SOD1: variants seen among roughly 807,000 people sequenced by gnomAD.
SOD1 encodes the protein superoxide dismutase 1, also known as superoxide dismutase [Cu-Zn].
In SOD1, 8 loss-of-function variants were observed where a neutral mutation model predicts 15.9. The observed-to-expected ratio is 0.50, with a 90% CI of 0.30 to 0.91. The LOEUF (loss-of-function observed/expected upper bound fraction) is 0.91, where lower values mean the gene tolerates loss of function less well. SOD1 is among the 40% of genes least tolerant of loss of function. The pLI is 0.07. For synonymous variants in SOD1, 86 were observed against 71.2 expected, an observed-to-expected ratio of 1.21 and a Z score of -1.04; for missense variants, 137 against 194.5, an observed-to-expected ratio of 0.70 and a Z score of 1.76.
rs1251704207 is a variant in SOD1, at chr21:31,668,737, A to G, written c.*159A>G. ...AGTACCTGTAGTGAGAAACTGATTT[A>G]TGATCACTTGGAAGATTTGTATAGT... On this transcript the variant is annotated 3_prime_UTR_variant, in exon 5 of 5. Coordinates refer to ENST00000270142, the MANE Select transcript of SOD1 (RefSeq NM_000454.5). 1.5e-6 allele frequency: 1 copy of G among 650,708 alleles called. No individual in the cohort carries two copies. The highest frequency in any genetic ancestry group is 1.8e-5 in the African/African-American group (1 of 54,930). The allele number at this position is 650,708 out of a possible 1,614,324, so 40.3% of individuals were successfully genotyped here.
intron 2 of SOD1, among the ~76,000 whole-genome samples, chr21:31,664,641 C>T (rs17886025): frequency 2.3e-3 from 348 of 151,862 alleles, no homozygotes; most frequent in Non-Finnish European, 3.7e-3. Flanking sequence ...TTTTTTGAGA[C>T]GGAGTCTTAC....
intron 1 of SOD1, among the ~76,000 whole-genome samples, chr21:31,662,737 G>A (rs1457032274): frequency 1.3e-5 from 2 of 152,174 alleles, no homozygotes; most frequent in Non-Finnish European, 2.9e-5. Context: ...TGTGATAGCC[G>A]GGCGTGGTGG....
chr21:31,666,765 C>G (rs1415170478), intron 3 of SOD1: 1 of 539,832 alleles, frequency 1.9e-6, no homozygotes, highest in South Asian at 2.0e-5. Flanking sequence ...AGAACTAATA[C>G]AAGTGCCAAA....
chr21:31,663,917 C>G (rs1165723450), intron 2 of SOD1, 31 bp downstream of exon 2: 1 of 1,477,234 alleles, frequency 6.8e-7, no homozygotes, highest in Non-Finnish European at 9.5e-7. Context: ...GTGACCCATA[C>G]TTGTTCACCC....
Position 31,668,714 on chromosome 21 carries a change from T to A in SOD1, c.*136T>A. ...TGACTTTTTCAGAGTTGCTTTAAAG[T>A]ACCTGTAGTGAGAAACTGATTTATG... On this transcript the variant is annotated 3_prime_UTR_variant, in exon 5 of 5. Coordinates refer to ENST00000270142, the MANE Select transcript of SOD1 (RefSeq NM_000454.5). 1.4e-6 allele frequency: 1 copy of A among 711,400 alleles called. No homozygotes were observed. Among genetic ancestry groups the A allele is most frequent in the Non-Finnish European group, 2.5e-6 (1 of 397,060 alleles). 44.1% of individuals were successfully genotyped at this position (711,400 alleles called of 1,614,324 possible). A position where few individuals can be genotyped will look rare whatever the true frequency, so the allele number is the denominator to read the frequency against.
chr21:31,662,504 G>A (rs1159830608), intron 1 of SOD1, among the ~76,000 whole-genome samples: 1 of 152,122 alleles, frequency 6.6e-6, no homozygotes, highest in African/African-American at 2.4e-5. Flanking sequence ...AGATCTAGTT[G>A]TAACTTCCTT....
intron 1 of SOD1, among the ~76,000 whole-genome samples, chr21:31,662,230 G>A (rs998997005): frequency 6.6e-6 from 1 of 152,156 alleles, no homozygotes; most frequent in Non-Finnish European, 1.5e-5. Flanking sequence ...GTGTTTGAGG[G>A]ACAACTTTCA....
In SOD1 at chr21:31,667,513, T is replaced by C. The variant is rs141828406; in HGVS notation, c.357+138T>C. On this transcript the variant is annotated intron_variant, in intron 4 of 4. Transcript: ENST00000270142. ...GTTCAAATTAGGAAAAGCAATTTTA[T>C]TGGACAATTACGGTGAAAATGAATT... 8.6e-5 allele frequency: 65 copies of C among 754,488 alleles called. No individual in the cohort carries two copies. The East Asian group carries it at 1.6e-3, about 19-fold the overall frequency. 46.7% of individuals were successfully genotyped at this position (754,488 alleles called of 1,614,324 possible). A position where few individuals can be genotyped will look rare whatever the true frequency, so the allele number is the denominator to read the frequency against.
chr21:31,659,781 G>A lies in SOD1; in HGVS notation c.12G>A (p.Lys4=). The A allele has an allele frequency of 6.2e-7, 1 of 1,613,932 alleles. No homozygotes were observed. The highest frequency in any genetic ancestry group is 8.5e-7 in the Non-Finnish European group (1 of 1,179,912). MAT[K]AVCVLKGDGP... ...TGGCCTAGCGAGTTATGGCGACGAA[G>A]GCCGTGTGCGTGCTGAAGGGCGACG... Residue 4 remains lysine (K), a synonymous_variant, in exon 1 of 5, where the codon AAG becomes AAA. Coordinates refer to ENST00000270142, the MANE Select transcript of SOD1 (RefSeq NM_000454.5).
At position 31,667,252 on chromosome 21, in the gene SOD1, T is replaced by C; in HGVS notation, c.240-6T>C. ...CCTAATCCATCTGATGCTTTTTCAT[T>C]ATTAGGCATGTTGGAGACTTGGGCA... On this transcript the variant is annotated splice_polypyrimidine_tract_variant and splice_region_variant and intron_variant, in intron 3 of 4. Transcript: ENST00000270142. 6.2e-7 allele frequency: 1 copy of C among 1,606,358 alleles called. No individual in the cohort carries two copies. Among genetic ancestry groups the C allele is most frequent in the Non-Finnish European group, 8.5e-7 (1 of 1,173,004 alleles).
chr21:31,662,434 A>C (rs1318050185), intron 1 of SOD1, among the ~76,000 whole-genome samples: 1 of 152,240 alleles, frequency 6.6e-6, no homozygotes, highest in Non-Finnish European at 1.5e-5. Context: ...AGCTAAAAAC[A>C]AGAGACACTG....
chr21:31,667,983 G>A (rs2049611360), intron 4 of SOD1, among the ~76,000 whole-genome samples: 2 of 149,064 alleles, frequency 1.3e-5, no homozygotes, highest in South Asian at 4.4e-4. Flanking sequence ...ATTTATAAAG[G>A]TTTGTTGAAC....
At position 31,667,261 on chromosome 21, in the gene SOD1, T is replaced by C; in HGVS notation, c.243T>C (p.His81=). The change falls in exon 4 of 5, where the codon CAT becomes CAC. Residue 81 remains histidine, a synonymous_variant. Coordinates refer to ENST00000270142, the MANE Select transcript of SOD1 (RefSeq NM_000454.5). The part of the protein sequence containing the change: ...KHGGPKDEER[H]VGDLGNVTAD... ...TCTGATGCTTTTTCATTATTAGGCA[T>C]GTTGGAGACTTGGGCAATGTGACTG... The C allele has an allele frequency of 6.2e-7, 1 of 1,611,472 alleles. No individual in the cohort carries two copies. Among genetic ancestry groups the C allele is most frequent in the Non-Finnish European group, 8.5e-7 (1 of 1,177,566 alleles).
intron 2 of SOD1, among the ~76,000 whole-genome samples, chr21:31,665,875 A>G (rs186419043): frequency 1.3e-3 from 196 of 152,204 alleles, no homozygotes; most frequent in Non-Finnish European, 1.9e-3. Flanking sequence ...ACTGTTGAAG[A>G]TCAGTCTGGT....
chr21:31,664,602 G>GT (rs1389452655), intron 2 of SOD1: 1 of 152,886 alleles, frequency 6.5e-6, no homozygotes. Flanking sequence ...CAGCATCATT[G>GT]TAGAAGAGGG....
Position 31,667,290 on chromosome 21 carries a change from A to C in SOD1, c.272A>C (p.Asp91Ala), listed in dbSNP as rs80265967. The C allele has an allele frequency of 9.5e-4, 1,538 of 1,614,112 alleles. 4 individuals are homozygous for C. Among genetic ancestry groups the C allele is most frequent in the Non-Finnish European group, 6.1e-4 (724 of 1,179,972 alleles). Residue 91 changes from aspartate (D) to alanine (A), a missense_variant, in exon 4 of 5, where the codon GAC (aspartate) becomes GCC (alanine). Asp to Ala is a moderately radical substitution (Grantham distance 126, BLOSUM62 -2). Transcript: ENST00000270142. ...HVGDLGNVTA[D>A]KDGVADVSIE... ...GGAGACTTGGGCAATGTGACTGCTG[A>C]CAAAGATGGTGTGGCCGATGTGTCT...
chr21:31,665,818 G>T (rs1412377695), intron 2 of SOD1, among the ~76,000 whole-genome samples: 1 of 152,112 alleles, frequency 6.6e-6, no homozygotes, highest in Admixed American at 6.6e-5. Context: ...AGTATACTAC[G>T]TTCTTAAGAA....
chr21:31,665,868 G>A (rs2123433886), intron 2 of SOD1, among the ~76,000 whole-genome samples: 1 of 152,036 alleles, frequency 6.6e-6, no homozygotes, highest in African/African-American at 2.4e-5. Flanking sequence ...TAGAAAAACT[G>A]TTGAAGATCA....
At chr21:31,662,751 A>T (rs1463692982) in intron 1 of SOD1, among the ~76,000 whole-genome samples, 2 of 152,196 alleles carry the variant, frequency 1.3e-5, no homozygotes, top group Non-Finnish European at 2.9e-5. Context: ...GTGGTGGCTT[A>T]CGCCTGTAAT....
Sources: gnomAD v4.1 joint callset for allele counts (sites outside exome capture counted in the v4.1 genomes callset) on GRCh38, gnomAD v4.1.1 for gene constraint, MANE v1.5 for transcripts, NCBI Gene and HGNC (gene_info 2026-07-23, HGNC 2026-07-21) for gene names.